The following FAM200A variants were observed in gnomAD, a reference collection of about 807,000 sequenced individuals.
FAM200A encodes ZBED8 like, also known as protein FAM200A.
Under a neutral mutation model 44.2 loss-of-function variants are expected in FAM200A, and 26 were observed. The observed-to-expected ratio is 0.59, with a 90% CI of 0.43 to 0.82. FAM200A has a LOEUF of 0.82. Ranked by LOEUF, FAM200A falls within the 40% of genes least tolerant of loss-of-function variation. FAM200A has a pLI of 0.00. For missense variants in FAM200A, 606 were observed against 669.5 expected, an observed-to-expected ratio of 0.91 and a Z score of 1.05; for synonymous variants, 206 against 244.4, an observed-to-expected ratio of 0.84 and a Z score of 1.47.
At position 99,552,051 on chromosome 7, in the gene FAM200A, G is replaced by A; in HGVS notation, c.-297C>T. On this transcript the variant is annotated 5_prime_UTR_variant, in exon 1 of 2. Coordinates refer to ENST00000449309, the MANE Select transcript of FAM200A (RefSeq NM_145111.4). ...TGGGATAGAAGGGGTTGTGACTTTG[G>A]GGACCAGGAGCACTAGACTCACATC... 1 of 985,572 alleles carries A rather than the reference G, an allele frequency of 1.0e-6. No homozygotes were observed. The highest frequency in any genetic ancestry group is 1.2e-6 in the Non-Finnish European group (1 of 830,026). 61.1% of individuals were successfully genotyped at this position (985,572 alleles called of 1,614,324 possible).
chr7:99,547,365 C>T lies in FAM200A; in HGVS notation c.1043G>A (p.Ser348Asn), dbSNP rs1382920472. ...DIWVTKLAYL[S>N]DIFGILNELS... ...TTCATTAAGAATGCCAAAAATATCACTTAAATATGCCAATTTTGTTACCCA... is the reference window on the plus strand; with the variant it reads ...TTCATTAAGAATGCCAAAAATATCATTTAAATATGCCAATTTTGTTACCCA... Residue 348 changes from serine to asparagine, a missense_variant, in exon 2 of 2, where the codon AGT (serine) becomes AAT (asparagine). Coordinates refer to ENST00000449309, the MANE Select transcript of FAM200A (RefSeq NM_145111.4). 6.5e-7 allele frequency: 1 copy of T among 1,549,604 alleles called. No homozygotes were observed. The highest frequency in any genetic ancestry group is 2.0e-5 in the Admixed American group (1 of 50,776).
chr7:99,553,099 ATTTTTTT>A (rs576289512), upstream of FAM200A, among the ~76,000 whole-genome samples: 123 of 61,356 alleles, frequency 2.0e-3, 1 homozygote, highest in African/African-American at 0.012. Context: ...ATATATATAT[ATTTTTTT>A]TTTTTTTTTT....
Position 99,548,249 on chromosome 7 carries a change from A to G in FAM200A, c.159T>C (p.Ser53=). The change falls in exon 2 of 2, where the codon TCT becomes TCC. Residue 53 remains serine (S), a synonymous_variant. Transcript: ENST00000449309. ...VESSPQVLSR[S]TTMNERALLS... Reference sequence around the variant, plus strand: ...ATAAGGCTCTCTCATTCATAGTTGTAGAGCGACTGAGAACTTGTGGCGATG... The same window carrying G: ...ATAAGGCTCTCTCATTCATAGTTGTGGAGCGACTGAGAACTTGTGGCGATG... 6.2e-7 allele frequency: 1 copy of G among 1,612,288 alleles called. No individual in the cohort carries two copies. The highest frequency in any genetic ancestry group is 8.5e-7 in the Non-Finnish European group (1 of 1,179,094).
chr7:99,554,362 C>A (rs190793777), upstream of FAM200A, among the ~76,000 whole-genome samples: 1 of 151,498 alleles, frequency 6.6e-6, no homozygotes, highest in Non-Finnish European at 1.5e-5. Flanking sequence ...GCCTGTAGTC[C>A]CAGCTACTCG....
rs145504627 is a variant in FAM200A, at chr7:99,546,793, T to G, written c.1615A>C (p.Lys539Gln). The part of the protein sequence containing the change: ...GFSILTRLKT[K>Q]KRNRLNSAPD... The stretch of plus-strand genomic sequence containing the variant: ...GCACTATTGAGCCTATTTCTCTTCT[T>G]TGTTTTTAACCGTGTCAAGATTGAA... The change falls in exon 2 of 2, where the codon AAG (lysine) becomes CAG (glutamine). Residue 539 changes from lysine (K) to glutamine (Q), a missense_variant. Coordinates refer to ENST00000449309, the MANE Select transcript of FAM200A (RefSeq NM_145111.4). 31 of 1,551,672 alleles carry G rather than the reference T, an allele frequency of 2.0e-5. No homozygotes were observed. In the African/African-American group the frequency reaches 4.0e-4, roughly 20 times the overall value.
chr7:99,553,018 CATATAT>C (rs61079236), upstream of FAM200A, among the ~76,000 whole-genome samples: 2,382 of 130,466 alleles, frequency 0.018, 20 homozygotes, highest in Non-Finnish European at 0.026. Flanking sequence ...TATATATACA[CATATAT>C]ATACATGTAT....
chr7:99,554,735 G>A (rs1334160156), upstream of FAM200A, among the ~76,000 whole-genome samples: 1 of 152,132 alleles, frequency 6.6e-6, no homozygotes, highest in Non-Finnish European at 1.5e-5. Context: ...TTCTTCACCA[G>A]TATGCTTCAG....
Position 99,546,604 on chromosome 7 carries a change from G to T in FAM200A, c.*82C>A. The T allele has an allele frequency of 4.3e-6, 6 of 1,394,252 alleles. No homozygotes were observed. The highest frequency in any genetic ancestry group is 5.6e-6 in the Non-Finnish European group (6 of 1,070,274). The allele number at this position is 1,394,252 out of a possible 1,614,324, so 86.4% of individuals were successfully genotyped here. A position where few individuals can be genotyped will look rare whatever the true frequency, so the allele number is the denominator to read the frequency against. On this transcript the variant is annotated 3_prime_UTR_variant, in exon 2 of 2. Transcript: ENST00000449309. ...GGCTGGTCTTGAACTCAAGTGATCT[G>T]CCCACCTCGGTCTCCCACTGCTGGG... is the stretch of plus-strand genomic sequence containing the variant.
intron 1 of FAM200A, among the ~76,000 whole-genome samples, chr7:99,549,187 A>ACG (rs1307042966): frequency 1.4e-5 from 2 of 138,682 alleles, no homozygotes; most frequent in Non-Finnish European, 3.0e-5. Flanking sequence ...TAAAAATAAG[A>ACG]AATTAAGCTG....
chr7:99,552,236 G>T, upstream of FAM200A: 1 of 932,994 alleles, frequency 1.1e-6, no homozygotes, highest in Non-Finnish European at 1.3e-6. Flanking sequence ...TGGGGATCTT[G>T]CTCCTCAGCT....
In FAM200A at chr7:99,552,080, G is replaced by A; in HGVS notation, c.-326C>T. On this transcript the variant is annotated 5_prime_UTR_variant, in exon 1 of 2. Transcript: ENST00000449309. Reference sequence around the variant, plus strand: ...CCAGGAGCACTAGACTCACATCCAAGCCCCCTGGCCTTCAGAGCCCAGGGA... The same window carrying A: ...CCAGGAGCACTAGACTCACATCCAAACCCCCTGGCCTTCAGAGCCCAGGGA... The A allele has an allele frequency of 3.0e-6, 3 of 985,486 alleles. No homozygotes were observed. Among genetic ancestry groups the A allele is most frequent in the Middle Eastern group, 5.2e-4 (1 of 1,914 alleles). 61.0% of individuals were successfully genotyped at this position (985,486 alleles called of 1,614,324 possible). A position where few individuals can be genotyped will look rare whatever the true frequency, so the allele number is the denominator to read the frequency against.
Position 99,551,921 on chromosome 7 carries a change from G to A in FAM200A, c.-167C>T, listed in dbSNP as rs896075427. The A allele has an allele frequency of 2.4e-5, 24 of 985,432 alleles. No homozygotes were observed. Among genetic ancestry groups the A allele is most frequent in the African/African-American group, 3.5e-5 (2 of 57,250 alleles). The allele number at this position is 985,432 out of a possible 1,614,324, so 61.0% of individuals were successfully genotyped here. ...CGCCGAGGCTGGCGCGAGGAACGGG[G>A]GCACGGACCCGCTTCCACTCCGTCC... On this transcript the variant is annotated 5_prime_UTR_variant, in exon 1 of 2. Transcript: ENST00000449309.
At chr7:99,551,293 G>C (rs1398273188) in intron 1 of FAM200A, among the ~76,000 whole-genome samples, 1 of 151,776 alleles carries the variant, frequency 6.6e-6, no homozygotes, top group South Asian at 2.1e-4. Context: ...TCCGCCTCCC[G>C]GGTTCAAGCG....
chr7:99,555,518 C>A (rs188396768), upstream of FAM200A, among the ~76,000 whole-genome samples: 3 of 152,204 alleles, frequency 2.0e-5, no homozygotes, highest in Admixed American at 6.5e-5. Context: ...CCATACAGCA[C>A]CTGTATCCAT....
At chr7:99,548,573 T>C (rs1317256276) in intron 1 of FAM200A, 67 bp from the exon 2 acceptor site, 3 of 1,266,312 alleles carry the variant, frequency 2.4e-6, no homozygotes, top group Admixed American at 6.0e-5. Flanking sequence ...TAACAACTCA[T>C]ACAAAACAAT....
At chr7:99,552,883 ATTCCTTAGGGGGTTTG>A (rs1562926894), upstream of FAM200A, among the ~76,000 whole-genome samples, 1 of 151,388 alleles carries the variant, frequency 6.6e-6, no homozygotes, top group Non-Finnish European at 1.5e-5. Context: ...CTAATGCTCC[ATTCCTTAGGGGGTTTG>A]ATCTTGCTAT....
chr7:99,550,365 T>C (rs2151130132), intron 1 of FAM200A, among the ~76,000 whole-genome samples: 1 of 152,270 alleles, frequency 6.6e-6, no homozygotes, highest in East Asian at 1.9e-4. Flanking sequence ...CACCTCGGCC[T>C]CCCAAAGTGC....
At chr7:99,549,395 A>G (rs982541124) in intron 1 of FAM200A, among the ~76,000 whole-genome samples, 2 of 152,124 alleles carry the variant, frequency 1.3e-5, no homozygotes, top group African/African-American at 4.8e-5. Flanking sequence ...TGACTTAGGA[A>G]ACAACAGGTG....
At chr7:99,558,280 C>T (rs1239948645) in intron 1 of FAM200A, 2 of 152,304 alleles carry the variant, frequency 1.3e-5, no homozygotes, top group Non-Finnish European at 2.9e-5. Context: ...GGCCATTCCT[C>T]CTCACCCCAC....
Sources: gnomAD v4.1 joint callset for allele counts (sites outside exome capture counted in the v4.1 genomes callset) on GRCh38, gnomAD v4.1.1 for gene constraint, MANE v1.5 for transcripts, NCBI Gene and HGNC (gene_info 2026-07-23, HGNC 2026-07-21) for gene names.